LHFPL3: variants seen among roughly 807,000 people sequenced by gnomAD.
LHFPL3 encodes the protein LHFPL tetraspan subfamily member 3 protein.
In LHFPL3, 5 loss-of-function variants were observed where a neutral mutation model predicts 19.3. The observed-to-expected ratio is 0.26, with a 90% CI of 0.14 to 0.54. The LOEUF (loss-of-function observed/expected upper bound fraction) is 0.54. Ranked by LOEUF, LHFPL3 falls within the 20% of genes least tolerant of loss-of-function variation. The pLI, the probability that LHFPL3 is intolerant of heterozygous loss-of-function variation, is 0.94. For missense variants in LHFPL3, 249 were observed against 307.4 expected (o/e 0.81, Z 1.42); for synonymous variants, 133 against 126.2 (o/e 1.05, Z -0.36).
At chr7:104,590,278 C>G (rs1790682428) in intron 1 of LHFPL3, among the ~76,000 whole-genome samples, 1 of 152,156 alleles carries the variant, frequency 6.6e-6, no homozygotes, top group Non-Finnish European at 1.5e-5. Flanking sequence ...CTGCACACTG[C>G]TTTAAATGTG....
At chr7:104,717,507 T>G (rs924280544) in intron 1 of LHFPL3, among the ~76,000 whole-genome samples, 6 of 152,146 alleles carry the variant, frequency 3.9e-5, no homozygotes, top group Admixed American at 3.3e-4. Context: ...CTTGAACATA[T>G]GTTTCTCAAA....
chr7:104,700,075 C>A (rs1793073543), intron 1 of LHFPL3, among the ~76,000 whole-genome samples: 1 of 152,198 alleles, frequency 6.6e-6, no homozygotes, highest in Non-Finnish European at 1.5e-5. Flanking sequence ...AGTGACCACC[C>A]CTGGGAAGCC....
Position 104,889,994 on chromosome 7 carries a change from G to A in LHFPL3, c.683-16193G>A, listed in dbSNP as rs535656517. Among the ~76,000 whole-genome samples the A allele has an allele frequency of 3.9e-3, 598 of 151,936 alleles. 2 individuals carry two copies. Among genetic ancestry groups the A allele is most frequent in the African/African-American group, 0.014 (564 of 41,428 alleles). ...CTTTCCTTCTCTCCTCTTCTCATTC[G>A]CTTCTTAGGATAAGGAAACATCTGG... On this transcript the variant is annotated intron_variant, in intron 2 of 2. Transcript: ENST00000424859.
At chr7:104,892,701 A>T (rs985672142) in intron 2 of LHFPL3, among the ~76,000 whole-genome samples, 1 of 111,646 alleles carries the variant, frequency 9.0e-6, no homozygotes, top group Non-Finnish European at 1.9e-5. Flanking sequence ...ACAGAGTGAG[A>T]CTGTCTCAAA....
chr7:104,747,579 CA>C (rs1201215971), intron 2 of LHFPL3, among the ~76,000 whole-genome samples: 1 of 152,170 alleles, frequency 6.6e-6, no homozygotes, highest in Non-Finnish European at 1.5e-5. Context: ...AAGTGTCAAG[CA>C]AATATAAGTA....
At chr7:104,794,619 C>T (rs1448493048) in intron 2 of LHFPL3, among the ~76,000 whole-genome samples, 1 of 152,202 alleles carries the variant, frequency 6.6e-6, no homozygotes, top group Non-Finnish European at 1.5e-5. Flanking sequence ...ATTATGGTTC[C>T]ATTAAAATAG....
In LHFPL3 at chr7:104,796,447, G is replaced by A. The variant is rs1790129256; in HGVS notation, c.682+59536G>A. ...AACCTAACAGAGAGTAAATGATTAT[G>A]AGGCCGTATTTGAAGGCCGTGAAGT... On this transcript the variant is annotated intron_variant, in intron 2 of 2. Coordinates refer to ENST00000424859, the MANE Select transcript of LHFPL3 (RefSeq NM_199000.3). The A allele has an allele frequency of 2.6e-5, 4 of 152,224 alleles. No homozygotes were observed. The South Asian group carries it at 8.3e-4, about 32-fold the overall frequency. The allele number at this position is 152,224 out of a possible 1,614,324, so 9.4% of individuals were successfully genotyped here.
chr7:104,756,988 A>G (rs1476946014), intron 2 of LHFPL3, among the ~76,000 whole-genome samples: 1 of 152,186 alleles, frequency 6.6e-6, no homozygotes, highest in African/African-American at 2.4e-5. Context: ...CCATAGGCCT[A>G]GTACCTAGAA....
chr7:104,533,056 G>A (rs1794332146), intron 1 of LHFPL3, among the ~76,000 whole-genome samples: 1 of 152,128 alleles, frequency 6.6e-6, no homozygotes, highest in Non-Finnish European at 1.5e-5. Flanking sequence ...ATTTACTCAT[G>A]GCTATATATA....
intron 2 of LHFPL3, among the ~76,000 whole-genome samples, chr7:104,742,307 C>T (rs931471972): frequency 6.6e-6 from 1 of 152,164 alleles, no homozygotes; most frequent in African/African-American, 2.4e-5. Context: ...CTCTCCTGAA[C>T]AATTTTAAAG....
intron 1 of LHFPL3, among the ~76,000 whole-genome samples, chr7:104,622,570 C>T (rs565942325): frequency 2.6e-5 from 4 of 152,142 alleles, no homozygotes; most frequent in South Asian, 2.1e-4. Flanking sequence ...TCCATCCCCC[C>T]CAAAAATCCT....
chr7:104,801,521 CAA>C (rs1790244655), intron 2 of LHFPL3, among the ~76,000 whole-genome samples: 1 of 152,054 alleles, frequency 6.6e-6, no homozygotes, highest in Admixed American at 6.6e-5. Flanking sequence ...TAGTTAGCAC[CAA>C]AGTTTTTTGT....
At chr7:104,354,574 T>G (rs2116396141) in intron 1 of LHFPL3, among the ~76,000 whole-genome samples, 1 of 152,380 alleles carries the variant, frequency 6.6e-6, no homozygotes, top group African/African-American at 2.4e-5. Flanking sequence ...CCAGTCTGAT[T>G]GTATAAACTG....
intron 1 of LHFPL3, among the ~76,000 whole-genome samples, chr7:104,430,414 A>ATG (rs1562895188): frequency 3.9e-5 from 1 of 25,428 alleles, no homozygotes; most frequent in Non-Finnish European, 6.2e-5. Context: ...ACATATATAT[A>ATG]TATACATATA....
chr7:104,486,197 T>G (rs1793233800), intron 1 of LHFPL3, among the ~76,000 whole-genome samples: 1 of 152,216 alleles, frequency 6.6e-6, no homozygotes, highest in South Asian at 2.1e-4. Context: ...TTCATCAAAG[T>G]TTTTAAATAT....
chr7:104,349,431 A>T (rs1328806170), intron 1 of LHFPL3, among the ~76,000 whole-genome samples: 1 of 152,216 alleles, frequency 6.6e-6, no homozygotes, highest in Non-Finnish European at 1.5e-5. Context: ...TTGGGAAATG[A>T]ATTATTCTGT....
chr7:104,760,945 C>G (rs76299737), intron 2 of LHFPL3, among the ~76,000 whole-genome samples: 1,824 of 150,192 alleles, frequency 0.012, 39 homozygotes, highest in African/African-American at 0.041. Context: ...AAAAAAAAAA[C>G]ATTACTTTGT....
intron 2 of LHFPL3, among the ~76,000 whole-genome samples, chr7:104,745,181 T>C (rs1242163032): frequency 1.3e-5 from 2 of 152,188 alleles, no homozygotes; most frequent in African/African-American, 4.8e-5. Context: ...GGCCAACAAA[T>C]TGTCCGCAGG....
chr7:104,866,728 A>G (rs1791730072), intron 2 of LHFPL3, among the ~76,000 whole-genome samples: 1 of 152,236 alleles, frequency 6.6e-6, no homozygotes, highest in African/African-American at 2.4e-5. Context: ...AAGGGGACCT[A>G]ATAGACATCT....
Sources: allele counts gnomAD v4.1 joint callset (sites outside exome capture counted in the v4.1 genomes callset), GRCh38; gene constraint gnomAD v4.1.1; transcripts MANE v1.5; gene names NCBI Gene and HGNC (gene_info 2026-07-23, HGNC 2026-07-21).